The following LRRC37A2 variants were observed in gnomAD, a reference collection of about 807,000 sequenced individuals.
The protein encoded by LRRC37A2 is leucine rich repeat containing 37 member A2.
Under a neutral mutation model 68.8 loss-of-function variants are expected in LRRC37A2, and 9 were observed. That is an observed-to-expected ratio of 0.13 (90% CI 0.08 to 0.23). The LOEUF is 0.23. Among genes scored for constraint, LRRC37A2 ranks in the 10% least tolerant of loss-of-function variants. The pLI, the probability that LRRC37A2 is intolerant of heterozygous loss-of-function variation, is 1.00. For synonymous variants in LRRC37A2, 63 were observed against 367.6 expected (o/e 0.17, Z 9.48); for missense variants, 168 against 950.4 (o/e 0.18, Z 10.82).
At chr17:46,808,991 A>G in the LRRC37A2 span, among the ~76,000 whole-genome samples, 1 of 152,200 alleles carries the variant, frequency 6.6e-6, no homozygotes, top group East Asian at 1.9e-4. Flanking sequence ...AGCAGCGCAG[A>G]GCAGACTGAC....
chr17:46,766,323 G>T, the LRRC37A2 span, among the ~76,000 whole-genome samples: 1 of 151,834 alleles, frequency 6.6e-6, no homozygotes, highest in Admixed American at 6.6e-5. Context: ...CAGGAGAATC[G>T]CTTGAACCCA....
the LRRC37A2 span, among the ~76,000 whole-genome samples, chr17:46,767,301 C>T: frequency 6.6e-6 from 1 of 152,170 alleles, no homozygotes; most frequent in South Asian, 2.1e-4. Context: ...CCCTCCTGCT[C>T]CCCGTCATCA....
At chr17:46,820,679 C>A in the LRRC37A2 span, among the ~76,000 whole-genome samples, 3 of 152,244 alleles carry the variant, frequency 2.0e-5, no homozygotes, top group Non-Finnish European at 2.9e-5. Context: ...GCCTCAGGAC[C>A]AAGGCTCTGG....
At chr17:47,009,832 G>A in the LRRC37A2 span, among the ~76,000 whole-genome samples, 17 of 152,228 alleles carry the variant, frequency 1.1e-4, no homozygotes, top group African/African-American at 3.4e-4. Flanking sequence ...ATGCTGCCGC[G>A]CTGTTTCGGA....
chr17:46,780,977 C>G, the LRRC37A2 span, among the ~76,000 whole-genome samples: 1 of 151,976 alleles, frequency 6.6e-6, no homozygotes, highest in African/African-American at 2.4e-5. Flanking sequence ...GGCGGTAATG[C>G]CAGCATTTTG....
the LRRC37A2 span, chr17:46,833,389 G>A: frequency 3.9e-6 from 2 of 518,438 alleles, no homozygotes; most frequent in Non-Finnish European, 7.7e-6. Flanking sequence ...GCATGCCAAG[G>A]CCTGAATGCC....
the LRRC37A2 span, among the ~76,000 whole-genome samples, chr17:46,796,849 T>A: frequency 6.6e-6 from 1 of 152,168 alleles, no homozygotes; most frequent in Non-Finnish European, 1.5e-5. Context: ...TTCCTTCCAC[T>A]CAAGCCCTCC....
At chr17:46,744,768 T>G in the LRRC37A2 span, among the ~76,000 whole-genome samples, 1 of 152,222 alleles carries the variant, frequency 6.6e-6, no homozygotes, top group Non-Finnish European at 1.5e-5. Context: ...TACTCGCTCA[T>G]TCTTCATCAT....
the LRRC37A2 span, chr17:46,935,067 G>A: frequency 2.5e-6 from 4 of 1,612,106 alleles, no homozygotes; most frequent in South Asian, 4.4e-5. Context: ...AATCACTGCA[G>A]TTTAACTCCT....
chr17:46,722,517 C>T, the LRRC37A2 span, among the ~76,000 whole-genome samples: 6 of 152,184 alleles, frequency 3.9e-5, no homozygotes, highest in African/African-American at 1.4e-4. Context: ...TGTGGTGCAG[C>T]TTCCCGGCTT....
chr17:46,542,581 G>C (rs2055570548), intron 8 of LRRC37A2, among the ~76,000 whole-genome samples: 1 of 149,662 alleles, frequency 6.7e-6, no homozygotes, highest in African/African-American at 2.5e-5. Flanking sequence ...TGTAGTCCCA[G>C]CTACTAGGGA....
chr17:47,015,295 A>C, the LRRC37A2 span, among the ~76,000 whole-genome samples: 19 of 152,334 alleles, frequency 1.2e-4, no homozygotes, highest in African/African-American at 4.1e-4. Flanking sequence ...GGCATGAGCC[A>C]CTGCGCCCAG....
the LRRC37A2 span, among the ~76,000 whole-genome samples, chr17:46,736,491 C>A: frequency 6.6e-6 from 1 of 152,200 alleles, no homozygotes; most frequent in Admixed American, 6.5e-5. Context: ...CCTGGCCCTC[C>A]CTCTACTCCT....
At chr17:46,935,347 T>C in the LRRC37A2 span, 1 of 1,464,566 alleles carries the variant, frequency 6.8e-7, no homozygotes, top group Non-Finnish European at 9.0e-7. Context: ...AGCCTGAAAG[T>C]ACCCAGTTCC....
At chr17:46,923,274 G>A in the LRRC37A2 span, 2 of 1,549,614 alleles carry the variant, frequency 1.3e-6, no homozygotes, top group Admixed American at 2.0e-5. Context: ...GGCCAGGTGA[G>A]CCTGGCTTCT....
the LRRC37A2 span, among the ~76,000 whole-genome samples, chr17:46,892,598 C>T: frequency 3.3e-5 from 5 of 152,184 alleles, no homozygotes; most frequent in Admixed American, 3.3e-4. Flanking sequence ...CCATCTCTCT[C>T]CCCACACTGG....
chr17:46,703,630 G>A, the LRRC37A2 span, among the ~76,000 whole-genome samples: 4 of 132,764 alleles, frequency 3.0e-5, no homozygotes, highest in African/African-American at 5.8e-5. Flanking sequence ...TGCAGCGTCC[G>A]AGATCGCGCC....
At chr17:46,541,645 C>T (rs2055340118) in intron 8 of LRRC37A2, among the ~76,000 whole-genome samples, 1 of 150,772 alleles carries the variant, frequency 6.6e-6, no homozygotes, top group Non-Finnish European at 1.5e-5. Context: ...GTTCCTCATC[C>T]ATAGATTCAA....
At chr17:46,799,230 C>T in the LRRC37A2 span, among the ~76,000 whole-genome samples, 13 of 152,058 alleles carry the variant, frequency 8.5e-5, no homozygotes, top group African/African-American at 2.2e-4. Context: ...CCTCCCCACC[C>T]GCTTCTTTCT....
Sources: allele counts gnomAD v4.1 joint callset (sites outside exome capture counted in the v4.1 genomes callset), GRCh38; gene constraint gnomAD v4.1.1; transcripts MANE v1.5; gene names NCBI Gene and HGNC (gene_info 2026-07-23, HGNC 2026-07-21).